Variants in SCYL2 observed in about 807,000 individuals in gnomAD.
The protein encoded by SCYL2 is SCY1-like protein 2.
In SCYL2, 36 loss-of-function variants were observed where a neutral mutation model predicts 100.4. That is an observed-to-expected ratio of 0.36 (90% CI 0.27 to 0.47). The LOEUF (loss-of-function observed/expected upper bound fraction) is 0.47. Among genes scored for constraint, SCYL2 ranks in the 20% least tolerant of loss-of-function variants. SCYL2 has a pLI of 1.00. For synonymous variants in SCYL2, 330 were observed against 359.2 expected (o/e 0.92, Z 0.92); for missense variants, 902 against 1,083.9 (o/e 0.83, Z 2.36).
chr12:100,302,153 T>A (rs529256664), intron 4 of SCYL2, among the ~76,000 whole-genome samples: 21 of 152,290 alleles, frequency 1.4e-4, no homozygotes, highest in African/African-American at 4.8e-4. Context: ...CTTTTTACAC[T>A]TCACTCTATT....
intron 13 of SCYL2, among the ~76,000 whole-genome samples, chr12:100,330,441 C>T (rs1036383643): frequency 6.6e-6 from 1 of 152,190 alleles, no homozygotes; most frequent in African/African-American, 2.4e-5. Context: ...GTTATTAGAG[C>T]TTATTCTTCA....
intron 1 of SCYL2, among the ~76,000 whole-genome samples, chr12:100,276,890 A>G (rs7966897): frequency 0.043 from 6,610 of 152,106 alleles, 163 homozygotes; most frequent in South Asian, 0.084. Context: ...ATTTACAGCT[A>G]TAGATTTCTT....
chr12:100,277,592 TA>T (rs2096293879), intron 1 of SCYL2, among the ~76,000 whole-genome samples: 1 of 152,226 alleles, frequency 6.6e-6, no homozygotes, highest in Admixed American at 6.5e-5. Flanking sequence ...CCTGTGTTTT[TA>T]TACTTTTAAA....
chr12:100,340,067 CTA>C lies in SCYL2; in HGVS notation c.*899_*900del, dbSNP rs1952334090. ...CAAAAGAAGATTTGTAAGAATTAAA[CTA>C]TATTTATGAGTAAACTTTTGAGGTT... On this transcript the variant is annotated 3_prime_UTR_variant, in exon 18 of 18. Coordinates refer to ENST00000360820, the MANE Select transcript of SCYL2 (RefSeq NM_017988.6). The C allele has an allele frequency of 6.6e-6, 1 of 152,566 alleles. No homozygotes were observed. Among genetic ancestry groups the C allele is most frequent in the Admixed American group, 6.5e-5 (1 of 15,288 alleles). 9.5% of individuals were successfully genotyped at this position (152,566 alleles called of 1,614,324 possible). A position where few individuals can be genotyped will look rare whatever the true frequency, so the allele number is the denominator to read the frequency against.
intron 10 of SCYL2, among the ~76,000 whole-genome samples, chr12:100,322,860 CAAA>C (rs138492576): frequency 6.3e-5 from 5 of 78,882 alleles, no homozygotes; most frequent in Admixed American, 2.8e-4. Context: ...AACTCCGTCT[CAAA>C]AAAAAAAAAA....
chr12:100,306,693 G>C (rs890225830), intron 4 of SCYL2, among the ~76,000 whole-genome samples: 3 of 152,224 alleles, frequency 2.0e-5, no homozygotes, highest in Admixed American at 2.0e-4. Flanking sequence ...GATAGGAAGA[G>C]AGGAAGTCAT....
chr12:100,304,525 C>T (rs2096331708), intron 4 of SCYL2, among the ~76,000 whole-genome samples: 1 of 152,154 alleles, frequency 6.6e-6, no homozygotes, highest in South Asian at 2.1e-4. Flanking sequence ...AGTTCCCCGA[C>T]CCCTTGAGCT....
At chr12:100,303,427 G>A (rs773249307) in intron 4 of SCYL2, among the ~76,000 whole-genome samples, 2 of 152,138 alleles carry the variant, frequency 1.3e-5, no homozygotes, top group Non-Finnish European at 2.9e-5. Context: ...TTCAAATGGG[G>A]TTTTTGTGTA....
chr12:100,279,804 CTGATAGCTCTCTAGT>C (rs1254221917), intron 1 of SCYL2, among the ~76,000 whole-genome samples: 2 of 152,214 alleles, frequency 1.3e-5, no homozygotes, highest in Non-Finnish European at 2.9e-5. Context: ...AACTATTCAA[CTGATAGCTCTCTAGT>C]TTGGTTCTTG....
At chr12:100,277,744 A>G (rs1257739476) in intron 1 of SCYL2, among the ~76,000 whole-genome samples, 1 of 151,886 alleles carries the variant, frequency 6.6e-6, no homozygotes, top group Non-Finnish European at 1.5e-5. Flanking sequence ...CCATCTTGCT[A>G]TTTATTTTGT....
chr12:100,313,383 T>C lies in SCYL2; in HGVS notation c.853-39T>C. 5 of 918,346 alleles carry C rather than the reference T, an allele frequency of 5.4e-6. No homozygotes were observed. In the South Asian group the frequency reaches 8.0e-5, roughly 15 times the overall value. The allele number at this position is 918,346 out of a possible 1,614,324, so 56.9% of individuals were successfully genotyped here. ...TCTTAAATGTATATGTCTTTTTAAA[T>C]ATTTTATACTCATTTAATGTTATCA... On this transcript the variant is annotated intron_variant, in intron 6 of 17. Coordinates refer to ENST00000360820, the MANE Select transcript of SCYL2 (RefSeq NM_017988.6).
At chr12:100,334,296 G>A in intron 14 of SCYL2, 30 bp downstream of exon 14, 1 of 1,191,986 alleles carries the variant, frequency 8.4e-7, no homozygotes. Flanking sequence ...ATTATATGTG[G>A]TCCGGGAGTG....
intron 2 of SCYL2, among the ~76,000 whole-genome samples, chr12:100,286,438 A>G (rs1462899195): frequency 6.6e-6 from 1 of 152,088 alleles, no homozygotes; most frequent in African/African-American, 2.4e-5. Context: ...ATGACTTTTT[A>G]TATTTGCTTT....
At chr12:100,294,312 A>C in intron 3 of SCYL2, among the ~76,000 whole-genome samples, 1 of 104,570 alleles carries the variant, frequency 9.6e-6, no homozygotes, top group Admixed American at 9.1e-5. Flanking sequence ...GGGGCTCCTC[A>C]CTTCCCAGTA....
chr12:100,334,585 C>G (rs1286140402), intron 14 of SCYL2, among the ~76,000 whole-genome samples: 2 of 151,980 alleles, frequency 1.3e-5, no homozygotes, highest in Admixed American at 1.3e-4. Flanking sequence ...TTGCTGAAAA[C>G]TAAAAGCACC....
chr12:100,317,894 G>C lies in SCYL2; in HGVS notation c.1364G>C (p.Arg455Thr). 1 of 1,600,722 alleles carries C rather than the reference G, an allele frequency of 6.2e-7. No homozygotes were observed. Residue 455 changes from arginine (R) to threonine (T), a missense_variant, in exon 10 of 18, where the codon AGA becomes ACA. By Grantham distance (71) the Arg-to-Thr change is moderately conservative (BLOSUM62 -1). Coordinates refer to ENST00000360820, the MANE Select transcript of SCYL2 (RefSeq NM_017988.6). ...AACAGTGTTCTACCCATGGTTTACA[G>C]AGCACTAGAAGCTCCTTCCATTCAG... ...IKNSVLPMVY[R>T]ALEAPSIQIQ...
At chr12:100,294,121 C>CTCACCTCCCGGAT (rs2096314057) in intron 3 of SCYL2, among the ~76,000 whole-genome samples, 1 of 117,636 alleles carries the variant, frequency 8.5e-6, no homozygotes, top group Non-Finnish European at 2.1e-5. Context: ...AGAGGCGCCC[C>CTCACCTCCCGGAT]TCACCTCCCG....
In SCYL2 at chr12:100,282,980, A is replaced by G. The variant is rs779067149; in HGVS notation, c.10A>G (p.Met4Val). ...ACCCAATATTGCAGCCATGGAGTCC[A>G]TGCTTAATAAATTGAAGAGTACTGT... is the stretch of plus-strand genomic sequence containing the variant. MESMLNKLKSTVTK... is the reference protein window; with the variant it reads MESVLNKLKSTVTK... Residue 4 changes from methionine (M) to valine (V), a missense_variant, in exon 2 of 18, where the codon ATG (methionine) becomes GTG (valine). Coordinates refer to ENST00000360820, the MANE Select transcript of SCYL2 (RefSeq NM_017988.6). 9 of 1,602,606 alleles carry G rather than the reference A, an allele frequency of 5.6e-6. No individual in the cohort carries two copies. Among genetic ancestry groups the G allele is most frequent in the East Asian group, 2.2e-5 (1 of 44,664 alleles).
intron 1 of SCYL2, among the ~76,000 whole-genome samples, chr12:100,278,817 A>T (rs753301413): frequency 2.6e-5 from 4 of 151,690 alleles, no homozygotes; most frequent in Non-Finnish European, 5.9e-5. Flanking sequence ...TTTAGTAGAG[A>T]TGGGGTTTCT....
Sources: allele counts gnomAD v4.1 joint callset (sites outside exome capture counted in the v4.1 genomes callset), GRCh38; gene constraint gnomAD v4.1.1; transcripts MANE v1.5; gene names NCBI Gene and HGNC (gene_info 2026-07-23, HGNC 2026-07-21).